Variants in FCRL1 observed in about 807,000 individuals in gnomAD.
FCRL1 encodes the protein Fc receptor-like protein 1.
FCRL1 carries 34 observed loss-of-function variants against 49.2 expected under a neutral mutation model. The observed-to-expected ratio is 0.69, with a 90% CI of 0.53 to 0.92. The LOEUF is 0.92. Ranked by LOEUF, FCRL1 falls within the 40% of genes least tolerant of loss-of-function variation. The probability of loss-of-function intolerance (pLI) is 0.00; values close to 1 mark genes in which losing one functional copy is unlikely to be tolerated. For synonymous variants in FCRL1, 218 were observed against 201.6 expected (o/e 1.08, Z -0.69); for missense variants, 524 against 524.1 (o/e 1.00, Z 0.00).
intron 2 of FCRL1, among the ~76,000 whole-genome samples, chr1:157,806,266 T>G (rs996489499): frequency 6.6e-6 from 1 of 152,220 alleles, no homozygotes; most frequent in Non-Finnish European, 1.5e-5. Flanking sequence ...TGAATCTCTC[T>G]GAATCTTTCT....
intron 1 of FCRL1, among the ~76,000 whole-genome samples, chr1:157,813,195 C>T (rs1188251839): frequency 6.6e-6 from 1 of 152,146 alleles, no homozygotes; most frequent in Non-Finnish European, 1.5e-5. Flanking sequence ...AGGAACACAA[C>T]AAACATGAAA....
At chr1:157,816,811 A>AGATAGAT in intron 1 of FCRL1, among the ~76,000 whole-genome samples, 1 of 151,684 alleles carries the variant, frequency 6.6e-6, no homozygotes, top group East Asian at 1.9e-4. Context: ...ATAGATAGAT[A>AGATAGAT]GATAGATAGA....
In FCRL1 at chr1:157,802,357, C is replaced by A; in HGVS notation, c.607+20G>T. 1 of 1,608,996 alleles carries A rather than the reference C, an allele frequency of 6.2e-7. No homozygotes were observed. Among genetic ancestry groups the A allele is most frequent in the South Asian group, 1.1e-5 (1 of 90,500 alleles). On this transcript the variant is annotated intron_variant, in intron 4 of 10. Coordinates refer to ENST00000368176, the MANE Select transcript of FCRL1 (RefSeq NM_052938.5). ...CCCAGTTTGTGACTGGCTGGCTGAA[C>A]GAAGGGTAGTGGAACTTACTTCTGA... is the stretch of plus-strand genomic sequence containing the variant.
chr1:157,802,190 G>C lies in FCRL1; in HGVS notation c.611C>G (p.Pro204Arg). 1 of 1,612,230 alleles carries C rather than the reference G, an allele frequency of 6.2e-7. No individual in the cohort carries two copies. The change falls in exon 5 of 11, where the codon CCG (proline) becomes CGG (arginine). Residue 204 changes from proline to arginine, a missense_variant. Pro to Arg is a moderately radical substitution (Grantham distance 103). Coordinates refer to ENST00000368176, the MANE Select transcript of FCRL1 (RefSeq NM_052938.5). Reference protein sequence around the residue: ...SGLVSITVRIPVSRPILMLRA... With the variant: ...SGLVSITVRIRVSRPILMLRA... ...GAGCATGAGGATTGGGCGAGACACC[G>C]GGACTGAGGGAGACAGTAGACTGTA...
intron 1 of FCRL1, among the ~76,000 whole-genome samples, chr1:157,813,678 A>T (rs989911257): frequency 2.6e-5 from 4 of 152,214 alleles, no homozygotes; most frequent in African/African-American, 9.6e-5. Flanking sequence ...CATATTTGAT[A>T]AAATAGTAGC....
intron 1 of FCRL1, among the ~76,000 whole-genome samples, chr1:157,815,850 TAGA>T (rs1654957825): frequency 6.6e-6 from 1 of 151,858 alleles, no homozygotes; most frequent in Non-Finnish European, 1.5e-5. Flanking sequence ...GTTGGTAACT[TAGA>T]AGAAATATAC....
At chr1:157,800,143 G>C (rs1382961647) in intron 6 of FCRL1, 58 bp from the exon 7 acceptor site, 2 of 1,574,984 alleles carry the variant, frequency 1.3e-6, no homozygotes, top group Non-Finnish European at 1.7e-6. Context: ...TGTCAGCACT[G>C]TCAGTGTTTT....
intron 1 of FCRL1, among the ~76,000 whole-genome samples, chr1:157,819,619 T>G (rs1419217457): frequency 6.6e-6 from 1 of 152,006 alleles, no homozygotes. Flanking sequence ...GGTTTGACTG[T>G]GGGAATGGGG....
rs904778958 is a variant in FCRL1, at chr1:157,794,464, C to T, written c.*1635G>A. 2.6e-5 allele frequency: 4 copies of T among 152,072 alleles called. No homozygotes were observed. The highest frequency in any genetic ancestry group is 2.6e-4 in the Admixed American group (4 of 15,258). The allele number at this position is 152,072 out of a possible 1,614,324, so 9.4% of individuals were successfully genotyped here. ...GCAATGTGAAAACTAAGTAATACAC[C>T]CCACAAACTGATTTCCCAGACGTTG... On this transcript the variant is annotated 3_prime_UTR_variant, in exon 11 of 11. Coordinates refer to ENST00000368176, the MANE Select transcript of FCRL1 (RefSeq NM_052938.5).
intron 1 of FCRL1, among the ~76,000 whole-genome samples, chr1:157,808,228 C>A (rs1168160277): frequency 1.3e-5 from 2 of 152,048 alleles, no homozygotes; most frequent in Non-Finnish European, 2.9e-5. Context: ...TCAAGAAATT[C>A]ATATTATAGT....
At chr1:157,818,473 C>A (rs115841768) in intron 1 of FCRL1, among the ~76,000 whole-genome samples, 5 of 152,030 alleles carry the variant, frequency 3.3e-5, no homozygotes, top group African/African-American at 1.2e-4. Context: ...AAGGACGGTG[C>A]AGAATCATGG....
intron 10 of FCRL1, 43 bp from the exon 11 acceptor site, chr1:157,796,213 A>G: frequency 1.3e-6 from 2 of 1,487,440 alleles, no homozygotes; most frequent in Non-Finnish European, 1.9e-6. Context: ...GACAAGCAGA[A>G]CATGCCTCCA....
At position 157,810,047 on chromosome 1, in the gene FCRL1, CA is replaced by C. The variant is rs1164484875; in HGVS notation, c.32-2926del. 2.0e-5 allele frequency among the ~76,000 whole-genome samples: 3 copies of C among 152,256 alleles called. No individual in the cohort carries two copies. The East Asian group carries it at 5.8e-4, about 29-fold the overall frequency. On this transcript the variant is annotated intron_variant, in intron 1 of 10. Transcript: ENST00000368176. ...AGTGTTTCAAAAAATAAAGAGTGAT[CA>C]AATGCCCCTGAGAAATTGAGTAAAA... is the stretch of plus-strand genomic sequence containing the variant.
At chr1:157,817,738 A>G (rs943734051) in intron 1 of FCRL1, among the ~76,000 whole-genome samples, 1 of 152,184 alleles carries the variant, frequency 6.6e-6, no homozygotes, top group Admixed American at 6.5e-5. Context: ...GTGAAGAGAC[A>G]ACCTATGAAA....
intron 9 of FCRL1, 185 bp downstream of exon 9, chr1:157,797,683 T>C (rs1021998229): frequency 1.4e-6 from 2 of 1,462,060 alleles, no homozygotes; most frequent in Admixed American, 2.0e-5. Context: ...GAAAGAACCT[T>C]AGCATTAGCT....
intron 1 of FCRL1, among the ~76,000 whole-genome samples, chr1:157,811,967 C>T (rs992887634): frequency 4.6e-5 from 7 of 152,312 alleles, no homozygotes; most frequent in African/African-American, 1.7e-4. Flanking sequence ...AACAGGCTGT[C>T]CTGCCCAGTG....
Position 157,803,966 on chromosome 1 carries a change from G to T in FCRL1, c.198C>A (p.Ser66Arg). Reference sequence around the variant, plus strand: ...CAGCGATCTGGAGCTTGGGGGAGCTGCTCCAGCCTGGGCCCAAGGCCCGGG... The same window carrying T: ...CAGCGATCTGGAGCTTGGGGGAGCTTCTCCAGCCTGGGCCCAAGGCCCGGG... ...RDTRALGPGW[S>R]SSPKLQIAAM... The change falls in exon 3 of 11, where the codon AGC (serine) becomes AGA (arginine). Residue 66 changes from serine to arginine, a missense_variant. By Grantham distance (110) the Ser-to-Arg change is moderately radical. Transcript: ENST00000368176. 1 of 1,614,214 alleles carries T rather than the reference G, an allele frequency of 6.2e-7. No homozygotes were observed. The highest frequency in any genetic ancestry group is 8.5e-7 in the Non-Finnish European group (1 of 1,180,044).
intron 1 of FCRL1, among the ~76,000 whole-genome samples, chr1:157,816,482 TATC>T (rs1298126499): frequency 6.6e-6 from 1 of 151,902 alleles, no homozygotes; most frequent in Non-Finnish European, 1.5e-5. Context: ...CTGTAGCTAA[TATC>T]ATACTGAATG....
intron 1 of FCRL1, among the ~76,000 whole-genome samples, chr1:157,808,255 A>G (rs1653776414): frequency 6.6e-6 from 1 of 152,202 alleles, no homozygotes; most frequent in Non-Finnish European, 1.5e-5. Flanking sequence ...GAGCCAATTT[A>G]AAAATAAGTA....
Sources: allele counts gnomAD v4.1 joint callset (sites outside exome capture counted in the v4.1 genomes callset), GRCh38; gene constraint gnomAD v4.1.1; transcripts MANE v1.5; gene names NCBI Gene and HGNC (gene_info 2026-07-23, HGNC 2026-07-21).